Variants in ADARB2 observed in about 807,000 individuals in gnomAD.
ADARB2 encodes the protein inactive double-stranded RNA-specific editase B2.
A neutral mutation model predicts 62.2 loss-of-function variants in ADARB2; 25 were observed. The ratio of observed to expected loss-of-function variants is 0.40; its 90% CI spans 0.29 to 0.56. ADARB2 has a LOEUF of 0.56. Among genes scored for constraint, ADARB2 ranks in the 20% least tolerant of loss-of-function variants. ADARB2 has a pLI of 0.43. For missense variants in ADARB2, 1,071 were observed against 1,077.4 expected (o/e 0.99, Z 0.08); for synonymous variants, 572 against 500.8 (o/e 1.14, Z -1.90).
intron 3 of ADARB2, among the ~76,000 whole-genome samples, chr10:1,288,405 G>A (rs1456272189): frequency 6.6e-6 from 1 of 152,238 alleles, no homozygotes; most frequent in African/African-American, 2.4e-5. Flanking sequence ...AAGTAACAGC[G>A]AGTGTCATTT....
intron 4 of ADARB2, among the ~76,000 whole-genome samples, chr10:1,263,962 G>A (rs1476617089): frequency 6.6e-6 from 1 of 152,192 alleles, no homozygotes; most frequent in Non-Finnish European, 1.5e-5. Flanking sequence ...GTCAGCACCG[G>A]TTTAGTGAAA....
chr10:1,263,770 T>C (rs1458380658), intron 4 of ADARB2, among the ~76,000 whole-genome samples: 2 of 152,226 alleles, frequency 1.3e-5, no homozygotes, highest in Non-Finnish European at 2.9e-5. Flanking sequence ...CCTTAGTTAA[T>C]TCAGCCTTGA....
rs1047792435 is a variant in ADARB2, at chr10:1,398,293, C to T, written c.101-19133G>A. ...GTGCAGGCTTCCTGGGGCAGGGCTT[C>T]GCCTGCTTCCTGCAATTGTGTCCAG... On this transcript the variant is annotated intron_variant, in intron 1 of 9. Transcript: ENST00000381312. This position sits in a 1 kb window ranked among gnomAD's most constrained non-coding sequence, Gnocchi z 4.1. 2.6e-5 allele frequency among the ~76,000 whole-genome samples: 4 copies of T among 152,188 alleles called. No individual in the cohort carries two copies. Among genetic ancestry groups the T allele is most frequent in the African/African-American group, 4.8e-5 (2 of 41,470 alleles).
chr10:1,235,057 C>G lies in ADARB2; in HGVS notation c.1362-1212G>C, dbSNP rs534165630. Among the ~76,000 whole-genome samples the G allele has an allele frequency of 1.1e-4, 17 of 152,282 alleles. No homozygotes were observed. The South Asian group carries it at 3.5e-3, about 32-fold the overall frequency. ...CCACCACACTGGGCCCCACCATGAT[C>G]TTTTACCAAGCCATTTTTTCCCACT... is the stretch of plus-strand genomic sequence containing the variant. On this transcript the variant is annotated intron_variant, in intron 5 of 9. Transcript: ENST00000381312.
At chr10:1,709,669 C>T (rs1268011214) in intron 1 of ADARB2, among the ~76,000 whole-genome samples, 2 of 152,174 alleles carry the variant, frequency 1.3e-5, no homozygotes, top group Middle Eastern at 3.2e-3. Context: ...AAAGTATCTT[C>T]AAAGAGTGCT....
chr10:1,310,824 A>T (rs1831683388), intron 3 of ADARB2, among the ~76,000 whole-genome samples: 1 of 152,234 alleles, frequency 6.6e-6, no homozygotes, highest in African/African-American at 2.4e-5. Context: ...CAGGATTGTA[A>T]AGACAAGGAG....
At chr10:1,203,807 G>A (rs1837016620) in intron 7 of ADARB2, among the ~76,000 whole-genome samples, 2 of 152,270 alleles carry the variant, frequency 1.3e-5, no homozygotes, top group African/African-American at 4.8e-5. Flanking sequence ...TGCTCTGAGC[G>A]ACTGTCTTCT....
chr10:1,512,852 G>C (rs1831953576), intron 1 of ADARB2, among the ~76,000 whole-genome samples: 1 of 152,150 alleles, frequency 6.6e-6, no homozygotes, highest in South Asian at 2.1e-4. Flanking sequence ...GTCTGTGCTG[G>C]GCTCACCCCA....
chr10:1,576,106 C>CCCAGGGTCACGGGAGGGGCA (rs1564335572), intron 1 of ADARB2, among the ~76,000 whole-genome samples: 1 of 31,464 alleles, frequency 3.2e-5, no homozygotes, highest in African/African-American at 1.7e-4. Context: ...CGGGAGGGGG[C>CCCAGGGTCACGGGAGGGGCA]TCAGAGTCAC....
intron 1 of ADARB2, among the ~76,000 whole-genome samples, chr10:1,728,278 T>TA (rs2119042844): frequency 6.6e-6 from 1 of 152,318 alleles, no homozygotes; most frequent in South Asian, 2.1e-4. Context: ...ATTAAGCAAT[T>TA]AGTGTTTCTC....
At chr10:1,335,213 T>G (rs1279030652) in intron 3 of ADARB2, among the ~76,000 whole-genome samples, 6 of 139,344 alleles carry the variant, frequency 4.3e-5, no homozygotes, top group Non-Finnish European at 6.1e-5. Context: ...AATGGATGGA[T>G]GGAGGGAGGG....
chr10:1,257,400 C>T (rs1564237764), intron 4 of ADARB2, among the ~76,000 whole-genome samples: 1 of 152,238 alleles, frequency 6.6e-6, no homozygotes, highest in African/African-American at 2.4e-5. Context: ...AAAGCTGAGA[C>T]TGCTTTCCTC....
In ADARB2 at chr10:1,466,750, C is replaced by A. The variant is rs542325888; in HGVS notation, c.101-87590G>T. Among the ~76,000 whole-genome samples, 6 of 152,296 alleles carry A rather than the reference C, an allele frequency of 3.9e-5. No homozygotes were observed. In the East Asian group the frequency reaches 1.2e-3, roughly 29 times the overall value. On this transcript the variant is annotated intron_variant, in intron 1 of 9. Transcript: ENST00000381312. The stretch of plus-strand genomic sequence containing the variant: ...AAAGCCCCAAATCAAGTTTGAATTT[C>A]TCTATGGAAGACTGTGGCACCTGGA...
chr10:1,194,937 T>A (rs1836889456), intron 8 of ADARB2, among the ~76,000 whole-genome samples: 1 of 152,218 alleles, frequency 6.6e-6, no homozygotes, highest in Non-Finnish European at 1.5e-5. Context: ...GTGGCAATAT[T>A]CTATTTATAA....
chr10:1,393,800 T>C (rs1158999439), intron 1 of ADARB2, among the ~76,000 whole-genome samples: 1 of 151,956 alleles, frequency 6.6e-6, no homozygotes, highest in Non-Finnish European at 1.5e-5. Flanking sequence ...CTTCAAATGA[T>C]TGATGGGAAA....
chr10:1,240,281 TCCCGGTGTTTACTCCCCTCTCCC>T, intron 5 of ADARB2: 1 of 120,998 alleles, frequency 8.3e-6, no homozygotes, highest in South Asian at 3.0e-4. Context: ...CCCCTCTGCC[TCCCGGTGTTTACTCCCCTCTCCC>T]TCCCGGTGTT....
chr10:1,370,894 T>G (rs1832364182), intron 2 of ADARB2, among the ~76,000 whole-genome samples: 1 of 152,220 alleles, frequency 6.6e-6, no homozygotes, highest in African/African-American at 2.4e-5. Flanking sequence ...AGTCGGCAGA[T>G]TCAATGCAAT....
chr10:1,570,592 A>G (rs542960349), intron 1 of ADARB2, among the ~76,000 whole-genome samples: 145 of 152,340 alleles, frequency 9.5e-4, no homozygotes, highest in African/African-American at 2.7e-3. Flanking sequence ...GCAGTCTTAC[A>G]TCATTTCTCT....
chr10:1,301,396 A>C (rs56718200), intron 3 of ADARB2, among the ~76,000 whole-genome samples: 70,469 of 151,864 alleles, frequency 0.46, 17,839 homozygotes, highest in East Asian at 0.8. Flanking sequence ...ATAGGCTTGA[A>C]CAGGTGAATT....
Sources: allele counts gnomAD v4.1 joint callset (sites outside exome capture counted in the v4.1 genomes callset), GRCh38; gene constraint gnomAD v4.1.1; non-coding constraint Gnocchi (gnomAD v3.1); transcripts MANE v1.5; gene names NCBI Gene and HGNC (gene_info 2026-07-23, HGNC 2026-07-21).